PLA2R1: variants seen among roughly 807,000 people sequenced by gnomAD.
PLA2R1 encodes secretory phospholipase A2 receptor.
PLA2R1 carries 158 observed loss-of-function variants against 195.9 expected under a neutral mutation model. That is an observed-to-expected ratio of 0.81 (90% confidence interval 0.71 to 0.92). The LOEUF (loss-of-function observed/expected upper bound fraction) is 0.92, where lower values mean the gene tolerates loss of function less well. PLA2R1 is among the 40% of genes least tolerant of loss of function. The pLI, the probability that PLA2R1 is intolerant of heterozygous loss-of-function variation, is 0.00. For missense variants in PLA2R1, 1,626 were observed against 1,764.6 expected, an observed-to-expected ratio of 0.92 and a Z score of 1.41; for synonymous variants, 586 against 598.2, an observed-to-expected ratio of 0.98 and a Z score of 0.30.
chr2:159,993,643 C>A (rs1690995476), intron 11 of PLA2R1, among the ~76,000 whole-genome samples: 1 of 151,864 alleles, frequency 6.6e-6, no homozygotes, highest in Non-Finnish European at 1.5e-5. Flanking sequence ...AAATTTATAT[C>A]TTGTCATACC....
intron 6 of PLA2R1, among the ~76,000 whole-genome samples, chr2:160,023,502 A>G (rs1025273199): frequency 6.6e-6 from 1 of 152,146 alleles, no homozygotes; most frequent in Non-Finnish European, 1.5e-5. Flanking sequence ...TAAAAGGGGG[A>G]GGAACCCTCA....
In PLA2R1 at chr2:160,051,243, T is replaced by G. The variant is rs1299355041; in HGVS notation, c.110-6086A>C. On this transcript the variant is annotated intron_variant, in intron 1 of 29. Transcript: ENST00000283243. ...AGGGAACTGGAAGGAAAAGTTCCAG[T>G]GCATGGTTCACATCAAGTGCAATGC... Among the ~76,000 whole-genome samples the G allele has an allele frequency of 2.0e-5, 3 of 152,226 alleles. No individual in the cohort carries two copies. The East Asian group carries it at 5.8e-4, about 29-fold the overall frequency.
At chr2:160,047,986 T>G (rs1049542835) in intron 1 of PLA2R1, among the ~76,000 whole-genome samples, 2 of 152,134 alleles carry the variant, frequency 1.3e-5, no homozygotes, top group African/African-American at 4.8e-5. Flanking sequence ...CCACCATGCC[T>G]GGCTAATTGT....
At chr2:160,016,749 CTG>C in intron 8 of PLA2R1, 37 bp from the exon 9 acceptor site, 1 of 962,384 alleles carries the variant, frequency 1.0e-6, no homozygotes. Context: ...TGAATACACT[CTG>C]TGCTGATACC....
intron 27 of PLA2R1, chr2:159,946,492 A>G: frequency 2.9e-6 from 3 of 1,030,644 alleles, no homozygotes; most frequent in Non-Finnish European, 2.3e-6. Flanking sequence ...ATTTTCCAGT[A>G]AATATGGTTT....
downstream of PLA2R1, among the ~76,000 whole-genome samples, chr2:159,928,656 T>C (rs1686532352): frequency 1.3e-5 from 2 of 151,556 alleles, no homozygotes; most frequent in Non-Finnish European, 2.9e-5. Context: ...AGAAAAAAAA[T>C]CCTAAAATTC....
chr2:159,966,299 T>C (rs1688784762), intron 20 of PLA2R1, among the ~76,000 whole-genome samples: 1 of 152,118 alleles, frequency 6.6e-6, no homozygotes, highest in Non-Finnish European at 1.5e-5. Context: ...AAAAGGCAAA[T>C]ACTGTCTGAT....
chr2:159,981,221 G>A (rs1323101125), intron 13 of PLA2R1, among the ~76,000 whole-genome samples: 7 of 131,226 alleles, frequency 5.3e-5, no homozygotes, highest in South Asian at 2.4e-4. Context: ...GCATACGTGT[G>A]TGTGTGTGTG....
intron 11 of PLA2R1, among the ~76,000 whole-genome samples, chr2:159,998,183 C>G (rs1691355402): frequency 6.6e-6 from 1 of 152,070 alleles, no homozygotes; most frequent in South Asian, 2.1e-4. Flanking sequence ...GTGAGGAACC[C>G]TAATAGGTTA....
At position 159,940,285 on chromosome 2, in the gene PLA2R1, A is replaced by G. The variant is rs1351204498; in HGVS notation, c.*1493T>C. ...CATTTTCATAACCACTTGCTATTTT[A>G]TGCATATGCATTTCTTTACTGAGTT... On this transcript the variant is annotated 3_prime_UTR_variant, in exon 30 of 30. Coordinates refer to ENST00000283243, the MANE Select transcript of PLA2R1 (RefSeq NM_007366.5). 1 of 152,152 alleles carries G rather than the reference A, an allele frequency of 6.6e-6. No homozygotes were observed. Among genetic ancestry groups the G allele is most frequent in the African/African-American group, 2.4e-5 (1 of 41,432 alleles). The allele number at this position is 152,152 out of a possible 1,614,324, so 9.4% of individuals were successfully genotyped here. A position where few individuals can be genotyped will look rare whatever the true frequency, so the allele number is the denominator to read the frequency against.
intron 2 of PLA2R1, 22 bp downstream of exon 2, chr2:160,044,752 T>G: frequency 6.3e-7 from 1 of 1,590,744 alleles, no homozygotes; most frequent in Non-Finnish European, 8.6e-7. Context: ...ATTCCCTGAG[T>G]GCTTCTTTAA....
chr2:159,953,154 A>AT (rs1287969970), intron 23 of PLA2R1, among the ~76,000 whole-genome samples: 1 of 152,248 alleles, frequency 6.6e-6, no homozygotes, highest in Non-Finnish European at 1.5e-5. Flanking sequence ...TTACATATAT[A>AT]AATTTCTCCA....
intron 3 of PLA2R1, among the ~76,000 whole-genome samples, chr2:160,037,871 T>C (rs572088934): frequency 2.0e-5 from 3 of 152,364 alleles, no homozygotes; most frequent in South Asian, 2.1e-4. Context: ...GTAGAACTTA[T>C]GACAAACTGT....
chr2:159,938,033 G>T lies in PLA2R1; in HGVS notation c.*3745C>A, dbSNP rs530383848. 5.3e-5 allele frequency: 8 copies of T among 152,222 alleles called. No individual in the cohort carries two copies. The highest frequency in any genetic ancestry group is 3.3e-4 in the Admixed American group (5 of 15,296). 9.4% of individuals were successfully genotyped at this position (152,222 alleles called of 1,614,324 possible). ...AGAGAGGTGGGAAAGAAGAACCAGG[G>T]GTGCTCTCAGGTAAATCAGTTTTAA... On this transcript the variant is annotated 3_prime_UTR_variant, in exon 30 of 30. Transcript: ENST00000283243.
In PLA2R1 at chr2:160,062,436, T is replaced by C; in HGVS notation, c.-33A>G. 6.6e-7 allele frequency: 1 copy of C among 1,517,684 alleles called. No individual in the cohort carries two copies. The highest frequency in any genetic ancestry group is 8.8e-7 in the Non-Finnish European group (1 of 1,133,796). The allele number at this position is 1,517,684 out of a possible 1,614,324, so 94.0% of individuals were successfully genotyped here. A position where few individuals can be genotyped will look rare whatever the true frequency, so the allele number is the denominator to read the frequency against. ...CACTGGGCTCTCCGGGAGCCCCTTG[T>C]CCCGGGAGCCCCTTATCCCGGGAGC... On this transcript the variant is annotated 5_prime_UTR_variant, in exon 1 of 30. Transcript: ENST00000283243.
At chr2:160,022,936 C>G in intron 6 of PLA2R1, 77 bp from the exon 7 acceptor site, 1 of 971,448 alleles carries the variant, frequency 1.0e-6, no homozygotes, top group Non-Finnish European at 1.5e-6. Flanking sequence ...TGTAAATTGC[C>G]ATTAATATGA....
chr2:160,047,692 T>C (rs1256206206), intron 1 of PLA2R1, among the ~76,000 whole-genome samples: 1 of 152,256 alleles, frequency 6.6e-6, no homozygotes, highest in Non-Finnish European at 1.5e-5. Context: ...CTGTAAAGTC[T>C]ACACTGTAGG....
At chr2:160,007,697 T>G (rs905273836) in intron 10 of PLA2R1, among the ~76,000 whole-genome samples, 1 of 152,168 alleles carries the variant, frequency 6.6e-6, no homozygotes, top group African/African-American at 2.4e-5. Context: ...GGTGAAAGAC[T>G]TGTATACTGA....
intron 22 of PLA2R1, 133 bp from the exon 23 acceptor site, chr2:159,955,479 C>A: frequency 1.7e-6 from 1 of 575,134 alleles, no homozygotes; most frequent in Non-Finnish European, 2.9e-6. Flanking sequence ...AACTTATTCA[C>A]AAGTCATTTC....
Sources: allele counts gnomAD v4.1 joint callset (sites outside exome capture counted in the v4.1 genomes callset), GRCh38; gene constraint gnomAD v4.1.1; transcripts MANE v1.5; gene names NCBI Gene and HGNC (gene_info 2026-07-23, HGNC 2026-07-21).